TOP1MT: variants seen among roughly 807,000 people sequenced by gnomAD.
TOP1MT encodes DNA topoisomerase I mitochondrial.
Under a neutral mutation model 73.9 loss-of-function variants are expected in TOP1MT, and 80 were observed. The observed-to-expected ratio is 1.08, with a 90% CI of 0.90 to 1.30. The LOEUF (loss-of-function observed/expected upper bound fraction) is 1.30, where lower values mean the gene tolerates loss of function less well. Among genes scored for constraint, TOP1MT ranks in the 50% most tolerant of loss-of-function variants. The pLI, the probability that TOP1MT is intolerant of heterozygous loss-of-function variation, is 0.00. For missense variants in TOP1MT, 815 were observed against 808.0 expected (o/e 1.01, Z -0.10); for synonymous variants, 338 against 326.4 (o/e 1.04, Z -0.38).
At chr8:143,334,070 G>C (rs981981497) in intron 1 of TOP1MT, 7 of 152,322 alleles carry the variant, frequency 4.6e-5, no homozygotes, top group Non-Finnish European at 1.0e-4. Context: ...GATAAACCGC[G>C]AGACCTGGCG....
At chr8:143,346,953 C>CTTTATTTATTTA (rs61391831), upstream of TOP1MT, among the ~76,000 whole-genome samples, 473 of 140,922 alleles carry the variant, frequency 3.4e-3, no homozygotes, top group African/African-American at 5.2e-3. Flanking sequence ...AGCCTCACTT[C>CTTTATTTATTTA]TTTATTTATT....
chr8:143,331,074 C>T (rs1816840297), intron 2 of TOP1MT, 150 bp downstream of exon 2: 1 of 564,888 alleles, frequency 1.8e-6, no homozygotes, highest in Non-Finnish European at 3.1e-6. Context: ...TGGTCAGCAG[C>T]CCCCACGCAT....
intron 2 of TOP1MT, among the ~76,000 whole-genome samples, chr8:143,342,824 A>AGAGT (rs1817151621): frequency 8.7e-6 from 1 of 115,438 alleles, no homozygotes; most frequent in African/African-American, 2.8e-5. Context: ...TCGCTCTGTC[A>AGAGT]CCCAGGCTGG....
rs10096734 is a variant in TOP1MT at position 143,326,285 on chromosome 8, C to T, written c.420G>A (p.Glu140=). 5 of 1,614,014 alleles carry T rather than the reference C, an allele frequency of 3.1e-6. No individual in the cohort carries two copies. In the Middle Eastern group the frequency reaches 6.6e-4, roughly 213 times the overall value. The change falls in exon 4 of 14, where the codon GAG becomes GAA. Residue 140 remains glutamate, a synonymous_variant. Transcript: ENST00000329245. ...IKSLDKCDFT[E]IHRYFVDKAA... Reference sequence around the variant, plus strand: ...CCTTGTCCACAAAGTATCTGTGGATCTCCGTGAAGTCACACTTGTCCAGGC... The same window carrying T: ...CCTTGTCCACAAAGTATCTGTGGATTTCCGTGAAGTCACACTTGTCCAGGC...
In TOP1MT at chr8:143,326,284, T is replaced by C; in HGVS notation, c.421A>G (p.Ile141Val). Residue 141 changes from isoleucine to valine, a missense_variant, in exon 4 of 14, where the codon ATC becomes GTC. Around this residue, in one of 3 missense-constraint regions of TOP1MT, gnomAD observed 751 missense variants for 725.4 expected, o/e 1.04. Coordinates refer to ENST00000329245, the MANE Select transcript of TOP1MT (RefSeq NM_052963.3). Reference protein sequence around the residue: ...KSLDKCDFTEIHRYFVDKAAA... With the variant: ...KSLDKCDFTEVHRYFVDKAAA... ...GCCTTGTCCACAAAGTATCTGTGGA[T>C]CTCCGTGAAGTCACACTTGTCCAGG... 2 of 1,614,000 alleles carry C rather than the reference T, an allele frequency of 1.2e-6. No homozygotes were observed. The highest frequency in any genetic ancestry group is 1.1e-5 in the South Asian group (1 of 91,084).
intron 2 of TOP1MT, among the ~76,000 whole-genome samples, 190 bp downstream of exon 2, chr8:143,331,034 C>T (rs1257577684): frequency 1.3e-5 from 2 of 152,152 alleles, no homozygotes; most frequent in East Asian, 1.9e-4. Flanking sequence ...CGGGAGCCCC[C>T]GAACTGCCAC....
intron 7 of TOP1MT, 34 bp downstream of exon 7, chr8:143,323,965 T>C (rs1816630969): frequency 6.2e-7 from 1 of 1,607,498 alleles, no homozygotes; most frequent in Non-Finnish European, 8.5e-7. Context: ...AGAACCAGGA[T>C]GAAGAGCCGC....
chr8:143,351,732 C>G (rs923666280), intron 1 of TOP1MT, among the ~76,000 whole-genome samples: 1 of 152,068 alleles, frequency 6.6e-6, no homozygotes, highest in Middle Eastern at 3.4e-3. Context: ...TTAAAGACAC[C>G]CTAAATAAAT....
At chr8:143,319,698 G>A (rs1228329345) in intron 8 of TOP1MT, among the ~76,000 whole-genome samples, 3 of 152,168 alleles carry the variant, frequency 2.0e-5, no homozygotes, top group African/African-American at 4.8e-5. Flanking sequence ...GCTAGGGGCT[G>A]TGGGGGTGGT....
rs1440170976 is a variant in TOP1MT, at chr8:143,341,077, C to T, written c.29+2143G>A. Among the ~76,000 whole-genome samples the T allele has an allele frequency of 6.6e-6, 1 of 152,196 alleles. No individual in the cohort carries two copies. ...CTCCTCCCCAGCTCCCACGGCGGCC[C>T]CTGCACTCTTCCGCTCCCCACAGCT... On this transcript the variant is annotated intron_variant, in intron 2 of 5. Transcript: ENST00000518007. This position sits in a 1 kb window ranked among gnomAD's most constrained non-coding sequence, Gnocchi z 4.1.
chr8:143,323,940 G>A lies in TOP1MT; in HGVS notation c.960+59C>T, dbSNP rs930445593. On this transcript the variant is annotated intron_variant, in intron 7 of 13. Transcript: ENST00000329245. Reference sequence around the variant, plus strand: ...GTCGCCACACTGCACCATCCAACTGGGAGTCCTCGCCAGGAGAACCAGGAT... The same window carrying A: ...GTCGCCACACTGCACCATCCAACTGAGAGTCCTCGCCAGGAGAACCAGGAT... 45 of 1,597,532 alleles carry A rather than the reference G, an allele frequency of 2.8e-5. No homozygotes were observed. The African/African-American group carries it at 5.6e-4, about 20-fold the overall frequency.
intron 7 of TOP1MT, 129 bp from the exon 8 acceptor site, chr8:143,321,515 TCCACACACGCACG>T (rs1816360050): frequency 2.2e-5 from 9 of 410,210 alleles, no homozygotes; most frequent in East Asian, 1.0e-4. Context: ...ACACACGCAC[TCCACACACGCACG>T]CCACACACAC....
chr8:143,315,731 T>G lies in TOP1MT; in HGVS notation c.1549A>C (p.Arg517=). 1.2e-6 allele frequency: 2 copies of G among 1,613,926 alleles called. No individual in the cohort carries two copies. Among genetic ancestry groups the G allele is most frequent in the South Asian group, 1.1e-5 (1 of 91,084 alleles). The part of the protein sequence containing the change: ...EHKAQGDGKS[R]SVLEKKRRLL... ...TCTGAGGGCACGGGTACTCACCTCC[T>G]GGACTTGCCATCCCCTTGGGCTTTG... The change falls in exon 12 of 14, where the codon AGG becomes CGG. Residue 517 remains arginine (R), a synonymous_variant. Transcript: ENST00000329245.
chr8:143,323,039 CCACACAGGCACGCCA>C (rs1445083095), intron 7 of TOP1MT, among the ~76,000 whole-genome samples: 66 of 52,314 alleles, frequency 1.3e-3, no homozygotes, highest in African/African-American at 4.0e-3. Context: ...CACATGCACG[CCACACAGGCACGCCA>C]CACACAGGCA....
upstream of TOP1MT, among the ~76,000 whole-genome samples, chr8:143,358,246 T>G (rs1027982830): frequency 6.6e-6 from 1 of 152,216 alleles, no homozygotes; most frequent in African/African-American, 2.4e-5. Flanking sequence ...ACTCTCTCTC[T>G]TCCTTTAATC....
intron 3 of TOP1MT, chr8:143,327,231 G>C (rs889984654): frequency 3.9e-5 from 6 of 152,328 alleles, no homozygotes; most frequent in African/African-American, 1.4e-4. Context: ...AAACATTACA[G>C]GCACACTGAT....
upstream of TOP1MT, among the ~76,000 whole-genome samples, chr8:143,339,821 T>C (rs1817043401): frequency 6.7e-6 from 1 of 150,366 alleles, no homozygotes; most frequent in African/African-American, 2.5e-5. Flanking sequence ...CTGCCAGCAC[T>C]GGTCTACACA....
chr8:143,332,245 G>C (rs1285838474), intron 1 of TOP1MT, among the ~76,000 whole-genome samples: 6 of 152,250 alleles, frequency 3.9e-5, no homozygotes, highest in Admixed American at 3.9e-4. Context: ...CCTAGATTCT[G>C]AGATGGGCCT....
chr8:143,349,383 T>C (rs1817283861), upstream of TOP1MT, among the ~76,000 whole-genome samples: 1 of 144,254 alleles, frequency 6.9e-6, no homozygotes, highest in Non-Finnish European at 1.5e-5. Context: ...ACCTAATGGC[T>C]GTTGGAACAA....
Sources: gnomAD v4.1 joint callset for allele counts (sites outside exome capture counted in the v4.1 genomes callset) on GRCh38, gnomAD v4.1.1 for gene constraint, gnomAD v4.1.1 regional missense constraint, Gnocchi (gnomAD v3.1) non-coding constraint, MANE v1.5 for transcripts, NCBI Gene and HGNC (gene_info 2026-07-23, HGNC 2026-07-21) for gene names.